NSD3: variants seen among roughly 807,000 people sequenced by gnomAD.
NSD3 encodes histone-lysine N-methyltransferase NSD3.
Under a neutral mutation model 160.8 loss-of-function variants are expected in NSD3, and 24 were observed. The observed-to-expected ratio is 0.15, with a 90% CI of 0.11 to 0.21. The LOEUF (loss-of-function observed/expected upper bound fraction) is 0.21. Among genes scored for constraint, NSD3 ranks in the 10% least tolerant of loss-of-function variants. The probability of loss-of-function intolerance (pLI) is 1.00; values close to 1 mark genes in which losing one functional copy is unlikely to be tolerated. For missense variants in NSD3, 1,157 were observed against 1,735.9 expected (o/e 0.67, Z 5.93); for synonymous variants, 520 against 600.0 (o/e 0.87, Z 1.95).
Position 38,310,803 on chromosome 8 carries a change from C to T in NSD3, c.2242+3844G>A, listed in dbSNP as rs567808099. Among the ~76,000 whole-genome samples the T allele has an allele frequency of 5.9e-5, 9 of 151,930 alleles. No individual in the cohort carries two copies. The South Asian group carries it at 6.2e-4, about 11-fold the overall frequency. On this transcript the variant is annotated intron_variant, in intron 12 of 23. Transcript: ENST00000317025. ...CTTGGATTACAGGTGTGAGACACTA[C>T]GCCTGGCCCCTTCTTTCAGTTCTTT...
At chr8:38,342,841 A>G (rs1810411364) in intron 2 of NSD3, among the ~76,000 whole-genome samples, 1 of 151,424 alleles carries the variant, frequency 6.6e-6, no homozygotes, top group Non-Finnish European at 1.5e-5. Flanking sequence ...TACAGCCGTG[A>G]GCCACCACGG....
At position 38,317,632 on chromosome 8, in the gene NSD3, G is replaced by A. The variant is rs569114354; in HGVS notation, c.1855+1263C>T. 16 of 1,171,424 alleles carry A rather than the reference G, an allele frequency of 1.4e-5. No homozygotes were observed. In the African/African-American group the frequency reaches 2.5e-4, roughly 18 times the overall value. 72.6% of individuals were successfully genotyped at this position (1,171,424 alleles called of 1,614,324 possible). ...GGCTGTTTGGCAAACCCCTGCAGAT[G>A]TGCATTAATGATGCTTTATTTAAAA... is the stretch of plus-strand genomic sequence containing the variant. On this transcript the variant is annotated intron_variant, in intron 9 of 23. Transcript: ENST00000317025. The surrounding 1 kb of genome is among the most constrained non-coding windows in gnomAD (Gnocchi z 5.3).
At position 38,288,675 on chromosome 8, in the gene NSD3, C is replaced by T. The variant is rs754705801; in HGVS notation, c.3313G>A (p.Glu1105Lys). ...IPRCNCKPAD[E>K]NPCGLESECL... Reference sequence around the variant, plus strand: ...TCCGATTCCAAGCCACAAGGGTTTTCATCAGCTGGCTTGCAGTTACAGCGG... The same window carrying T: ...TCCGATTCCAAGCCACAAGGGTTTTTATCAGCTGGCTTGCAGTTACAGCGG... Residue 1105 changes from glutamate (E) to lysine (K), a missense_variant, in exon 19 of 24, where the codon GAA (glutamate) becomes AAA (lysine). Glu to Lys is a moderately conservative substitution (Grantham distance 56). This residue lies in a region of NSD3 where 437 missense variants were observed against 576.6 expected (regional missense o/e 0.76). Transcript: ENST00000317025. This position sits in a 1 kb window ranked among gnomAD's most constrained non-coding sequence, Gnocchi z 4.5. 1.3e-5 allele frequency: 21 copies of T among 1,614,248 alleles called. No individual in the cohort carries two copies. The highest frequency in any genetic ancestry group is 1.4e-5 in the Non-Finnish European group (16 of 1,180,040).
chr8:38,314,622 T>A (rs1809613579), intron 12 of NSD3, 25 bp downstream of exon 12: 1 of 1,613,806 alleles, frequency 6.2e-7, no homozygotes, highest in African/African-American at 1.3e-5. Flanking sequence ...CATCTTTTCA[T>A]GACTATCGAA....
chr8:38,318,753 C>T lies in NSD3; in HGVS notation c.1855+142G>A, dbSNP rs997519098. On this transcript the variant is annotated intron_variant, in intron 9 of 23. Transcript: ENST00000317025. This position sits in a 1 kb window ranked among gnomAD's most constrained non-coding sequence, Gnocchi z 5.3. Reference sequence around the variant, plus strand: ...CAACTCTAAAAGTCACACACACACACGAACACTGGGGAATACTGCAATTTC... The same window carrying T: ...CAACTCTAAAAGTCACACACACACATGAACACTGGGGAATACTGCAATTTC... 8.1e-6 allele frequency: 6 copies of T among 741,136 alleles called. No individual in the cohort carries two copies. The Admixed American group carries it at 1.3e-4, about 17-fold the overall frequency. 45.9% of individuals were successfully genotyped at this position (741,136 alleles called of 1,614,324 possible). A position where few individuals can be genotyped will look rare whatever the true frequency, so the allele number is the denominator to read the frequency against.
rs765479695 is a variant in NSD3, at chr8:38,272,435, C to T, written c.*3206G>A. On this transcript the variant is annotated 3_prime_UTR_variant, in exon 24 of 24. Coordinates refer to ENST00000317025, the MANE Select transcript of NSD3 (RefSeq NM_023034.2). ...AATCACTGCCTCTGGCTGCTTCAGC[C>T]TTCCAGGAATGAAGAGCCATCCACC... The T allele has an allele frequency of 6.6e-6, 1 of 152,250 alleles. No individual in the cohort carries two copies. The highest frequency in any genetic ancestry group is 1.5e-5 in the Non-Finnish European group (1 of 68,056). The allele number at this position is 152,250 out of a possible 1,614,324, so 9.4% of individuals were successfully genotyped here.
At chr8:38,286,566 C>G (rs1350887636) in intron 19 of NSD3, among the ~76,000 whole-genome samples, 1 of 152,192 alleles carries the variant, frequency 6.6e-6, no homozygotes, top group East Asian at 1.9e-4. Context: ...AATTTGCTAA[C>G]TTTGTGGTAA....
chr8:38,341,504 C>T lies in NSD3; in HGVS notation c.676-2897G>A, dbSNP rs979681793. Among the ~76,000 whole-genome samples, 9 of 149,374 alleles carry T rather than the reference C, an allele frequency of 6.0e-5. No individual in the cohort carries two copies. The East Asian group carries it at 1.8e-3, about 29-fold the overall frequency. On this transcript the variant is annotated intron_variant, in intron 2 of 23. Coordinates refer to ENST00000317025, the MANE Select transcript of NSD3 (RefSeq NM_023034.2). ...ACTGAGCTGAGATTACACCAATGGA[C>T]TGTAACCTGGGTGACAGAGCGAGAC...
intron 14 of NSD3, among the ~76,000 whole-genome samples, chr8:38,302,454 G>C (rs976245353): frequency 1.3e-5 from 2 of 152,190 alleles, no homozygotes; most frequent in Admixed American, 6.5e-5. Flanking sequence ...AAGTTTCACA[G>C]TTAAAATATG....
intron 1 of NSD3, among the ~76,000 whole-genome samples, chr8:38,351,387 G>C (rs1034038736): frequency 6.6e-6 from 1 of 150,618 alleles, no homozygotes; most frequent in Non-Finnish European, 1.5e-5. Flanking sequence ...TCCTGAGGCC[G>C]GGCGCCGTGG....
intron 12 of NSD3, among the ~76,000 whole-genome samples, chr8:38,312,591 A>G (rs890150323): frequency 1.3e-5 from 2 of 152,146 alleles, no homozygotes; most frequent in African/African-American, 4.8e-5. Flanking sequence ...TGGATCCCAC[A>G]TGGCTTGGTG....
At chr8:38,335,341 T>C (rs1343910649) in intron 4 of NSD3, among the ~76,000 whole-genome samples, 1 of 152,196 alleles carries the variant, frequency 6.6e-6, no homozygotes, top group Admixed American at 6.5e-5. Context: ...GAAATACAGA[T>C]GAGACATAAA....
At chr8:38,370,473 G>A (rs559202994) in intron 1 of NSD3, among the ~76,000 whole-genome samples, 2 of 145,528 alleles carry the variant, frequency 1.4e-5, no homozygotes, top group East Asian at 4.0e-4. Context: ...CTCATATTTT[G>A]TTTAATCAGC....
chr8:38,375,004 G>GA (rs1052231412), intron 1 of NSD3, among the ~76,000 whole-genome samples: 14 of 150,834 alleles, frequency 9.3e-5, no homozygotes, highest in East Asian at 5.8e-4. Flanking sequence ...ACTCTGTCTC[G>GA]AAAAAAAAAT....
In NSD3 at chr8:38,318,145, C is replaced by G; in HGVS notation, c.1855+750G>C. On this transcript the variant is annotated intron_variant, in intron 9 of 23. Transcript: ENST00000317025. The surrounding 1 kb of genome is among the most constrained non-coding windows in gnomAD (Gnocchi z 5.3). ...GCAGTGTTCCCTCCGAGAGGCTGTT[C>G]AGTTCTGCTGAGGATCTCCACGGAG... 1 of 1,345,600 alleles carries G rather than the reference C, an allele frequency of 7.4e-7. No homozygotes were observed. The highest frequency in any genetic ancestry group is 1.0e-6 in the Non-Finnish European group (1 of 971,414). 83.4% of individuals were successfully genotyped at this position (1,345,600 alleles called of 1,614,324 possible). A position where few individuals can be genotyped will look rare whatever the true frequency, so the allele number is the denominator to read the frequency against.
intron 1 of NSD3, among the ~76,000 whole-genome samples, chr8:38,353,887 A>C (rs941122330): frequency 2.0e-5 from 3 of 152,200 alleles, no homozygotes; most frequent in Non-Finnish European, 2.9e-5. Context: ...AAAAATAATC[A>C]GTCTCCTGAT....
chr8:38,287,554 G>T (rs145458997), intron 19 of NSD3, among the ~76,000 whole-genome samples: 2,218 of 152,236 alleles, frequency 0.015, 24 homozygotes, highest in Middle Eastern at 0.031. Context: ...AGGGATGTAG[G>T]AAGAATTTCA....
intron 12 of NSD3, among the ~76,000 whole-genome samples, chr8:38,305,980 A>C (rs1488573851): frequency 6.6e-6 from 1 of 152,184 alleles, no homozygotes; most frequent in Non-Finnish European, 1.5e-5. Context: ...AAAGAGAAAA[A>C]TGGAAGCCAA....
At chr8:38,331,649 A>G (rs1585893423) in intron 4 of NSD3, 64 bp from the exon 5 acceptor site, 2 of 1,560,948 alleles carry the variant, frequency 1.3e-6, no homozygotes, top group East Asian at 4.5e-5. Flanking sequence ...TTTGCCAAAA[A>G]TGGGAATCTA....
Sources: allele counts gnomAD v4.1 joint callset (sites outside exome capture counted in the v4.1 genomes callset), GRCh38; gene constraint gnomAD v4.1.1; regional missense constraint gnomAD v4.1.1; non-coding constraint Gnocchi (gnomAD v3.1); transcripts MANE v1.5; gene names NCBI Gene and HGNC (gene_info 2026-07-23, HGNC 2026-07-21).